NALCN: variants seen among roughly 807,000 people sequenced by gnomAD.
NALCN encodes sodium leak channel NALCN.
In NALCN, 111 loss-of-function variants were observed where a neutral mutation model predicts 225.3. That is an observed-to-expected ratio of 0.49 (90% CI 0.42 to 0.58). The LOEUF is 0.58. NALCN is among the 20% of genes least tolerant of loss of function. NALCN has a pLI of 0.00. For missense variants in NALCN, 1,378 were observed against 2,202.4 expected, an observed-to-expected ratio of 0.63 and a Z score of 7.49; for synonymous variants, 764 against 769.0, an observed-to-expected ratio of 0.99 and a Z score of 0.11.
intron 1 of NALCN, among the ~76,000 whole-genome samples, chr13:101,403,652 A>T (rs1487162692): frequency 6.6e-6 from 1 of 152,228 alleles, no homozygotes; most frequent in Non-Finnish European, 1.5e-5. Context: ...ACTCATTTTT[A>T]ATCATTAGGT....
chr13:101,294,010 G>A (rs1537500), intron 7 of NALCN, among the ~76,000 whole-genome samples: 10,656 of 152,170 alleles, frequency 0.07, 595 homozygotes, highest in East Asian at 0.25. Flanking sequence ...GGCAAATGGC[G>A]AAGTGGGGAT....
intron 3 of NALCN, among the ~76,000 whole-genome samples, chr13:101,388,875 T>C (rs528856268): frequency 6.6e-6 from 1 of 152,346 alleles, no homozygotes; most frequent in South Asian, 2.1e-4. Context: ...TTTCAATGCA[T>C]GGGCAAAGGT....
At chr13:101,144,917 AG>A (rs756026231) in intron 15 of NALCN, 21 bp from the exon 16 acceptor site, 1 of 1,595,220 alleles carries the variant, frequency 6.3e-7, no homozygotes, top group African/African-American at 1.4e-5. Flanking sequence ...ATTGGAAAGA[AG>A]AAAAAAAGGG....
chr13:101,271,893 A>ATG (rs797017911), intron 10 of NALCN, among the ~76,000 whole-genome samples: 1,175 of 112,706 alleles, frequency 0.01, 18 homozygotes, highest in African/African-American at 0.044. Flanking sequence ...ATGTGTGCAT[A>ATG]TGTGTGTGCG....
At chr13:101,226,848 G>A (rs1055612725) in intron 13 of NALCN, among the ~76,000 whole-genome samples, 2 of 152,146 alleles carry the variant, frequency 1.3e-5, no homozygotes, top group East Asian at 1.9e-4. Context: ...GAGGCCTCCT[G>A]ATCAGGGCCC....
intron 1 of NALCN, among the ~76,000 whole-genome samples, chr13:101,408,757 C>T (rs1423100740): frequency 6.6e-6 from 1 of 152,012 alleles, no homozygotes; most frequent in African/African-American, 2.4e-5. Context: ...GTGTCTTGGC[C>T]CTCACTAAAT....
At chr13:101,087,048 T>C (rs183740573) in intron 30 of NALCN, among the ~76,000 whole-genome samples, 3 of 152,228 alleles carry the variant, frequency 2.0e-5, no homozygotes, top group Non-Finnish European at 2.9e-5. Flanking sequence ...CATCTGATCA[T>C]TAATATATAA....
intron 26 of NALCN, among the ~76,000 whole-genome samples, chr13:101,102,967 A>C: frequency 6.6e-6 from 1 of 152,192 alleles, no homozygotes; most frequent in East Asian, 1.9e-4. Context: ...GCTTCTCTTT[A>C]GGTGAATTAA....
intron 11 of NALCN, among the ~76,000 whole-genome samples, chr13:101,257,209 G>GTT (rs34334262): frequency 0.23 from 28,213 of 120,794 alleles, 3,603 homozygotes; most frequent in East Asian, 0.34. Context: ...ATTGTTTATT[G>GTT]TTTTTTTTTT....
In NALCN at chr13:101,075,722, A is replaced by G. The variant is rs1159828448; in HGVS notation, c.3954+151T>C. ...AACTAAGCTACTGATTCATTTAACA[A>G]TGTTTAATATTTGTTAATCTTGACT... On this transcript the variant is annotated intron_variant, in intron 35 of 43. Transcript: ENST00000251127. 2.3e-5 allele frequency: 11 copies of G among 486,086 alleles called. No homozygotes were observed. In the Admixed American group the frequency reaches 4.1e-4, roughly 18 times the overall value. 30.1% of individuals were successfully genotyped at this position (486,086 alleles called of 1,614,324 possible).
chr13:101,395,328 C>T lies in NALCN; in HGVS notation c.146G>A (p.Ser49Asn). 1 of 1,613,984 alleles carries T rather than the reference C, an allele frequency of 6.2e-7. No homozygotes were observed. The highest frequency in any genetic ancestry group is 8.5e-7 in the Non-Finnish European group (1 of 1,179,942). The change falls in exon 3 of 44, where the codon AGC (serine) becomes AAC (asparagine). Residue 49 changes from serine (S) to asparagine (N), a missense_variant. Physicochemically the swap from Ser to Asn is conservative, Grantham distance 46 (BLOSUM62 1). This residue lies in a region of NALCN where 146 missense variants were observed against 205.9 expected (regional missense o/e 0.71). Coordinates refer to ENST00000251127, the MANE Select transcript of NALCN (RefSeq NM_052867.4). ...HSLLRICAIISVISVCMNTPM... is the reference protein window; with the variant it reads ...HSLLRICAIINVISVCMNTPM... ...CGTATTCATACAAACAGAAATGACG[C>T]TGATGATGGCACAGATGCGCAGCAA...
At chr13:101,314,787 C>T (rs957416371) in intron 7 of NALCN, among the ~76,000 whole-genome samples, 2 of 152,192 alleles carry the variant, frequency 1.3e-5, no homozygotes, top group Non-Finnish European at 2.9e-5. Context: ...TAAAACCCAG[C>T]AGCAGCAGAC....
chr13:101,080,400 T>A (rs2033547899), intron 34 of NALCN, among the ~76,000 whole-genome samples: 1 of 151,836 alleles, frequency 6.6e-6, no homozygotes, highest in Non-Finnish European at 1.5e-5. Flanking sequence ...ATCTCAATAA[T>A]TTTATATTGC....
At chr13:101,290,414 C>T (rs909765670) in intron 9 of NALCN, among the ~76,000 whole-genome samples, 1 of 152,158 alleles carries the variant, frequency 6.6e-6, no homozygotes, top group Non-Finnish European at 1.5e-5. Flanking sequence ...GAGGCTGCCA[C>T]CTCGGAATGG....
intron 10 of NALCN, among the ~76,000 whole-genome samples, chr13:101,271,084 G>A (rs895661665): frequency 6.6e-6 from 1 of 152,140 alleles, no homozygotes; most frequent in African/African-American, 2.4e-5. Flanking sequence ...TTTAGTTTGA[G>A]ATAATGTGGC....
chr13:101,171,437 A>G (rs956056061), intron 15 of NALCN, among the ~76,000 whole-genome samples: 5 of 151,644 alleles, frequency 3.3e-5, no homozygotes, highest in Admixed American at 3.3e-4. Flanking sequence ...ACACACACAC[A>G]CATATATATT....
chr13:101,267,899 G>T (rs2042649040), intron 10 of NALCN, among the ~76,000 whole-genome samples: 1 of 152,170 alleles, frequency 6.6e-6, no homozygotes, highest in Non-Finnish European at 1.5e-5. Context: ...CTACCAAGCT[G>T]GTTTCCTCTT....
At chr13:101,061,824 A>T (rs2031963313) in intron 41 of NALCN, 144 bp downstream of exon 41, 1 of 701,938 alleles carries the variant, frequency 1.4e-6, no homozygotes, top group Non-Finnish European at 2.3e-6. Flanking sequence ...CTGTAAGTGG[A>T]GGTAGTGGAC....
At chr13:101,346,071 C>CTA (rs2045718805) in intron 6 of NALCN, among the ~76,000 whole-genome samples, 1 of 95,108 alleles carries the variant, frequency 1.1e-5, no homozygotes, top group Admixed American at 1.2e-4. Flanking sequence ...CTCTCTCTCT[C>CTA]TCTCTCTCTC....
Sources: allele counts gnomAD v4.1 joint callset (sites outside exome capture counted in the v4.1 genomes callset), GRCh38; gene constraint gnomAD v4.1.1; regional missense constraint gnomAD v4.1.1; transcripts MANE v1.5; gene names NCBI Gene and HGNC (gene_info 2026-07-23, HGNC 2026-07-21).